The following MSH3 variants were observed in gnomAD, a reference collection of about 807,000 sequenced individuals.
MSH3 encodes mutS homolog 3, also known as DNA mismatch repair protein Msh3.
In MSH3, 106 loss-of-function variants were observed where a neutral mutation model predicts 123.3. That is an observed-to-expected ratio of 0.86 (90% CI 0.73 to 1.01). The LOEUF (loss-of-function observed/expected upper bound fraction) is 1.01, where lower values mean the gene tolerates loss of function less well. Among genes scored for constraint, MSH3 ranks in the 50% least tolerant of loss-of-function variants. The pLI is 0.00. For missense variants in MSH3, 1,459 were observed against 1,347.6 expected, an observed-to-expected ratio of 1.08 and a Z score of -1.29; for synonymous variants, 515 against 481.4, an observed-to-expected ratio of 1.07 and a Z score of -0.91.
intron 21 of MSH3, among the ~76,000 whole-genome samples, chr5:80,855,060 T>G (rs1745892890): frequency 6.6e-6 from 1 of 152,168 alleles, no homozygotes; most frequent in African/African-American, 2.4e-5. Flanking sequence ...TCTCCTTTTT[T>G]TCAGGGTGCA....
chr5:80,666,893 A>T (rs951310259), intron 3 of MSH3, among the ~76,000 whole-genome samples: 2 of 152,244 alleles, frequency 1.3e-5, no homozygotes, highest in Non-Finnish European at 2.9e-5. Flanking sequence ...TGTCCAGACA[A>T]GGTTAAATTG....
chr5:80,656,368 C>T (rs1474710463), intron 1 of MSH3, 43 bp from the exon 2 acceptor site: 4 of 1,612,662 alleles, frequency 2.5e-6, no homozygotes, highest in South Asian at 1.1e-5. Flanking sequence ...CAGGCCTTCT[C>T]AGAGTAGAGA....
intron 9 of MSH3, 94 bp downstream of exon 9, chr5:80,725,659 T>G (rs1743282622): frequency 8.3e-6 from 7 of 841,656 alleles, no homozygotes; most frequent in Non-Finnish European, 1.4e-5. Flanking sequence ...GACTAGGTAG[T>G]TATTATAAAT....
chr5:80,873,546 A>G (rs1746258295), intron 23 of MSH3, among the ~76,000 whole-genome samples: 1 of 152,210 alleles, frequency 6.6e-6, no homozygotes, highest in Non-Finnish European at 1.5e-5. Context: ...ACTCCTTAAT[A>G]TGTGCCACAT....
chr5:80,692,523 G>T lies in MSH3; in HGVS notation c.1340+13430G>T, dbSNP rs773432551. On this transcript the variant is annotated intron_variant, in intron 8 of 23. Coordinates refer to ENST00000265081, the MANE Select transcript of MSH3 (RefSeq NM_002439.5). ...AGATAGATAAACATGTATATGTTTA[G>T]ATAGATAAACATGTATATGTTTATA... 3.4e-3 allele frequency among the ~76,000 whole-genome samples: 408 copies of T among 119,210 alleles called. 20 individuals are homozygous for T. The highest frequency in any genetic ancestry group is 3.9e-3 in the African/African-American group (117 of 29,718). 78.2% of individuals were successfully genotyped at this position (119,210 alleles called of 152,430 possible).
chr5:80,702,651 A>G (rs1750636490), intron 8 of MSH3, among the ~76,000 whole-genome samples: 1 of 152,106 alleles, frequency 6.6e-6, no homozygotes, highest in Non-Finnish European at 1.5e-5. Context: ...AACTAGACAG[A>G]TTTGGGGGAA....
intron 12 of MSH3, among the ~76,000 whole-genome samples, chr5:80,761,088 A>T (rs1366622499): frequency 6.6e-6 from 1 of 152,190 alleles, no homozygotes; most frequent in East Asian, 1.9e-4. Context: ...TCAGTTAAAG[A>T]CAGCGAGGTT....
At position 80,807,190 on chromosome 5, in the gene MSH3, CAA is replaced by C. The variant is rs34405208; in HGVS notation, c.2656-6374_2656-6373del. ...CAGGTGACAGAGCAATACCCTGTCT[CAA>C]AAAAAAAAAAAAAAAAAAAGGAAAA... is the stretch of plus-strand genomic sequence containing the variant. On this transcript the variant is annotated intron_variant, in intron 19 of 23. Coordinates refer to ENST00000265081, the MANE Select transcript of MSH3 (RefSeq NM_002439.5). 5.8e-3 allele frequency among the ~76,000 whole-genome samples: 532 copies of C among 91,426 alleles called. 2 individuals are homozygous for C. The highest frequency in any genetic ancestry group is 0.019 in the African/African-American group (441 of 23,132). 60.0% of individuals were successfully genotyped at this position (91,426 alleles called of 152,430 possible).
chr5:80,672,509 A>G, intron 5 of MSH3, 149 bp downstream of exon 5: 1 of 713,586 alleles, frequency 1.4e-6, no homozygotes, highest in South Asian at 1.7e-5. Context: ...TATTAGTATT[A>G]TGTATTTATG....
chr5:80,837,281 G>A (rs1489182841), intron 20 of MSH3, among the ~76,000 whole-genome samples: 1 of 152,086 alleles, frequency 6.6e-6, no homozygotes, highest in African/African-American at 2.4e-5. Context: ...TAGTTTGCAA[G>A]AATACTAGGG....
intron 8 of MSH3, among the ~76,000 whole-genome samples, chr5:80,680,800 A>G (rs1193906233): frequency 6.6e-6 from 1 of 152,112 alleles, no homozygotes; most frequent in Non-Finnish European, 1.5e-5. Context: ...TTTATCCTCT[A>G]ATATTTCAGT....
At chr5:80,789,582 G>A (rs62366953) in intron 18 of MSH3, among the ~76,000 whole-genome samples, 4,494 of 152,202 alleles carry the variant, frequency 0.03, 119 homozygotes, top group South Asian at 0.14. Flanking sequence ...TGTTGGCCAG[G>A]CTGGTCTTGA....
At chr5:80,859,710 CTCTT>C (rs1745982308) in intron 21 of MSH3, among the ~76,000 whole-genome samples, 1 of 143,578 alleles carries the variant, frequency 7.0e-6, no homozygotes, top group African/African-American at 2.6e-5. Flanking sequence ...TTCATTTTCT[CTCTT>C]TTTTTTTTTT....
intron 8 of MSH3, among the ~76,000 whole-genome samples, chr5:80,708,830 G>C (rs1750777344): frequency 6.6e-6 from 1 of 151,930 alleles, no homozygotes; most frequent in African/African-American, 2.4e-5. Flanking sequence ...GCTGGAGTGT[G>C]GTGGCAGGAT....
intron 20 of MSH3, among the ~76,000 whole-genome samples, chr5:80,822,502 T>C (rs143667791): frequency 8.3e-4 from 126 of 152,360 alleles, no homozygotes; most frequent in African/African-American, 2.7e-3. Flanking sequence ...TATGTGTGAG[T>C]ATAGTGCTCA....
chr5:80,808,861 A>ATATATATATATATCTATATATATATATC (rs1248778231), intron 19 of MSH3, among the ~76,000 whole-genome samples: 6 of 102,992 alleles, frequency 5.8e-5, no homozygotes, highest in South Asian at 7.6e-4. Flanking sequence ...TCTTCTTCAT[A>ATATATATATATATCTATATATATATATC]TATATATATA....
At chr5:80,762,484 G>A (rs950062389) in intron 13 of MSH3, among the ~76,000 whole-genome samples, 5 of 151,402 alleles carry the variant, frequency 3.3e-5, no homozygotes, top group Non-Finnish European at 1.5e-5. Flanking sequence ...AATTACCTTG[G>A]CTAATATGAT....
At position 80,799,500 on chromosome 5, in the gene MSH3, CTTTTTTTTT is replaced by C. The variant is rs746348952; in HGVS notation, c.2655+6680_2655+6688del. Among the ~76,000 whole-genome samples the C allele has an allele frequency of 8.2e-3, 266 of 32,326 alleles. 2 individuals are homozygous for C. Among genetic ancestry groups the C allele is most frequent in the South Asian group, 0.03 (15 of 492 alleles). 21.2% of individuals were successfully genotyped at this position (32,326 alleles called of 152,430 possible). A position where few individuals can be genotyped will look rare whatever the true frequency, so the allele number is the denominator to read the frequency against. On this transcript the variant is annotated intron_variant, in intron 19 of 23. Coordinates refer to ENST00000265081, the MANE Select transcript of MSH3 (RefSeq NM_002439.5). ...TTTATACCTGTCAAGGAAGATAGCA[CTTTTTTTTT>C]TTTTTTTTTTTTTTTTTTTTTTTAC...
In MSH3 at chr5:80,741,562, A is replaced by G. The variant is rs1209066986; in HGVS notation, c.1653+14A>G. 4.5e-6 allele frequency: 7 copies of G among 1,566,704 alleles called. No homozygotes were observed. The highest frequency in any genetic ancestry group is 5.3e-6 in the Non-Finnish European group (6 of 1,136,766). ...CTACAGAATCAGGTCAGGCAAATAC[A>G]AGGGCTAGTTGATTATAAATCGTTT... On this transcript the variant is annotated intron_variant, in intron 11 of 23. Coordinates refer to ENST00000265081, the MANE Select transcript of MSH3 (RefSeq NM_002439.5).
Sources: gnomAD v4.1 joint callset for allele counts (sites outside exome capture counted in the v4.1 genomes callset) on GRCh38, gnomAD v4.1.1 for gene constraint, MANE v1.5 for transcripts, NCBI Gene and HGNC (gene_info 2026-07-23, HGNC 2026-07-21) for gene names.